The following ALPK1 variants were observed in gnomAD, a reference collection of about 807,000 sequenced individuals.
The protein encoded by ALPK1 is alpha-protein kinase 1.
Under a neutral mutation model 120.6 loss-of-function variants are expected in ALPK1, and 110 were observed. That is an observed-to-expected ratio of 0.91 (90% confidence interval 0.78 to 1.07). The LOEUF (loss-of-function observed/expected upper bound fraction) is 1.07. Ranked by LOEUF, ALPK1 falls within the 50% of genes least tolerant of loss-of-function variation. The pLI is 0.00. For synonymous variants in ALPK1, 582 were observed against 560.3 expected, an observed-to-expected ratio of 1.04 and a Z score of -0.55; for missense variants, 1,498 against 1,483.9, an observed-to-expected ratio of 1.01 and a Z score of -0.16.
rs1281575574 is a variant in ALPK1, at chr4:112,440,946, A to C, written c.3568A>C (p.Ile1190Leu). Residue 1190 changes from isoleucine to leucine, a missense_variant, in exon 15 of 16, where the codon ATC becomes CTC. By Grantham distance (5) the Ile-to-Leu change is conservative. Coordinates refer to ENST00000650871, the MANE Select transcript of ALPK1 (RefSeq NM_025144.4). ...GGTAACCGGTAATGGAAAAGGACTC[A>C]TCTACCTCACAGATCCCCAGATTCA... ...GWVTGNGKGLIYLTDPQIHSV... is the reference protein window; with the variant it reads ...GWVTGNGKGLLYLTDPQIHSV... 1.2e-6 allele frequency: 2 copies of C among 1,613,508 alleles called. No individual in the cohort carries two copies. The highest frequency in any genetic ancestry group is 1.7e-6 in the Non-Finnish European group (2 of 1,179,780).
intron 3 of ALPK1, among the ~76,000 whole-genome samples, chr4:112,379,532 C>T (rs1293836157): frequency 6.6e-6 from 1 of 152,270 alleles, no homozygotes; most frequent in African/African-American, 2.4e-5. Context: ...TGGAGTGCAG[C>T]CTGCACCGGA....
intron 2 of ALPK1, chr4:112,359,297 C>G (rs943162398): frequency 2.1e-6 from 1 of 466,542 alleles, no homozygotes; most frequent in Non-Finnish European, 4.0e-6. Flanking sequence ...CCTGCAGGGC[C>G]CTGGAGTCTA....
At chr4:112,385,078 T>G (rs1732093183) in intron 4 of ALPK1, among the ~76,000 whole-genome samples, 1 of 152,196 alleles carries the variant, frequency 6.6e-6, no homozygotes, top group South Asian at 2.1e-4. Context: ...GGCTGAGTGA[T>G]GTGGCACATC....
At chr4:112,409,915 A>C (rs905873617) in intron 4 of ALPK1, among the ~76,000 whole-genome samples, 6 of 152,220 alleles carry the variant, frequency 3.9e-5, no homozygotes, top group Non-Finnish European at 1.5e-5. Context: ...AAAGATAAAT[A>C]GAGTAAAAAA....
chr4:112,358,906 C>T lies in ALPK1; in HGVS notation c.-100-18772C>T, dbSNP rs1309809384. On this transcript the variant is annotated intron_variant, in intron 2 of 15. Coordinates refer to ENST00000650871, the MANE Select transcript of ALPK1 (RefSeq NM_025144.4). ...GCGACCTGTCTTGGCCTCCTCTTTG[C>T]TGAAAACCCCAAGAAGCACAGCCAG... 6.5e-6 allele frequency: 5 copies of T among 769,584 alleles called. No individual in the cohort carries two copies. The East Asian group carries it at 1.2e-4, about 19-fold the overall frequency. The allele number at this position is 769,584 out of a possible 1,614,324, so 47.7% of individuals were successfully genotyped here. A position where few individuals can be genotyped will look rare whatever the true frequency, so the allele number is the denominator to read the frequency against.
Position 112,372,036 on chromosome 4 carries a change from A to ATTC in ALPK1, c.-100-5642_-100-5641insTTC, listed in dbSNP as rs375544622. Among the ~76,000 whole-genome samples, 679 of 152,308 alleles carry ATTC rather than the reference A, an allele frequency of 4.5e-3. 7 individuals are homozygous for ATTC. Among genetic ancestry groups the ATTC allele is most frequent in the African/African-American group, 0.015 (630 of 41,552 alleles). ...AGAAGTCTTACAAATAGTTAATGAT[A>ATTC]GAGTATAAAGTGGAATTAATCAACA... On this transcript the variant is annotated intron_variant, in intron 2 of 15. Coordinates refer to ENST00000650871, the MANE Select transcript of ALPK1 (RefSeq NM_025144.4).
intron 2 of ALPK1, among the ~76,000 whole-genome samples, chr4:112,347,828 G>A (rs1305772732): frequency 1.3e-5 from 2 of 150,688 alleles, no homozygotes; most frequent in African/African-American, 4.9e-5. Flanking sequence ...ATTATTTTTT[G>A]CCAGTAATAG....
chr4:112,362,897 A>T (rs1730974939), intron 2 of ALPK1, among the ~76,000 whole-genome samples: 1 of 152,214 alleles, frequency 6.6e-6, no homozygotes, highest in Non-Finnish European at 1.5e-5. Flanking sequence ...CTCAGCAGAA[A>T]CCCTACATGC....
At chr4:112,357,709 A>C in intron 2 of ALPK1, 1 of 1,559,730 alleles carries the variant, frequency 6.4e-7, no homozygotes, top group Admixed American at 1.7e-5. Context: ...CGCGTTTGAC[A>C]GACGGTTTTC....
intron 4 of ALPK1, among the ~76,000 whole-genome samples, chr4:112,399,631 G>A (rs563321149): frequency 7.9e-5 from 12 of 152,216 alleles, no homozygotes; most frequent in African/African-American, 2.9e-4. Flanking sequence ...TACAGAACGT[G>A]CAGGTTTGTT....
Position 112,440,915 on chromosome 4 carries a change from AG to A in ALPK1, c.3539del. The A allele has an allele frequency of 3.1e-6, 5 of 1,607,044 alleles. No individual in the cohort carries two copies. The highest frequency in any genetic ancestry group is 4.2e-6 in the Non-Finnish European group (5 of 1,177,142). ...ACTCAGGTGTGTTCATTTCTCTTTT[AG>A]GTTGGGTAACCGGTAATGGAAAAGG... On this transcript the variant is annotated splice_acceptor_variant, in intron 14 of 15. Coordinates refer to ENST00000650871, the MANE Select transcript of ALPK1 (RefSeq NM_025144.4). LOFTEE classifies it high-confidence loss of function.
chr4:112,437,239 G>C (rs1734825623), intron 12 of ALPK1, among the ~76,000 whole-genome samples: 1 of 152,018 alleles, frequency 6.6e-6, no homozygotes, highest in African/African-American at 2.4e-5. Context: ...AGAGACAATG[G>C]AAGTCATATA....
Position 112,440,898 on chromosome 4 carries a change from G to A in ALPK1, c.3539-19G>A. 6.3e-7 allele frequency: 1 copy of A among 1,597,996 alleles called. No individual in the cohort carries two copies. On this transcript the variant is annotated intron_variant, in intron 14 of 15. Transcript: ENST00000650871. ...TTTACAGGGAATTTAATACTCAGGT[G>A]TGTTCATTTCTCTTTTAGGTTGGGT...
At chr4:112,390,704 A>G (rs1732375950) in intron 4 of ALPK1, among the ~76,000 whole-genome samples, 1 of 152,224 alleles carries the variant, frequency 6.6e-6, no homozygotes, top group Non-Finnish European at 1.5e-5. Context: ...AGGCTGCCCC[A>G]TGTGTGGCCC....
In ALPK1 at chr4:112,431,880, T is replaced by C; in HGVS notation, c.2333T>C (p.Phe778Ser). The change falls in exon 11 of 16, where the codon TTT becomes TCT. Residue 778 changes from phenylalanine to serine, a missense_variant. Transcript: ENST00000650871. ...AGTGAAAGAGGCGCAGGCCCTACAT[T>C]TAAAGCTAGTCCCTCCTGGGTTGAC... is the stretch of plus-strand genomic sequence containing the variant. ...EISERGAGPT[F>S]KASPSWVDPE... 1 of 1,613,892 alleles carries C rather than the reference T, an allele frequency of 6.2e-7. No individual in the cohort carries two copies. The highest frequency in any genetic ancestry group is 8.5e-7 in the Non-Finnish European group (1 of 1,179,996).
At position 112,311,776 on chromosome 4, in the gene ALPK1, G is replaced by A. The variant is rs190890457; in HGVS notation, c.-152-4025G>A. Among the ~76,000 whole-genome samples, 243 of 152,334 alleles carry A rather than the reference G, an allele frequency of 1.6e-3. 2 individuals are homozygous for A. The highest frequency in any genetic ancestry group is 5.5e-3 in the African/African-American group (229 of 41,570). ...TTTTCTAGGAAAGGGTTTTGATAAA[G>A]GTTAGCACTCACTGATGATGCTTGG... On this transcript the variant is annotated intron_variant, in intron 1 of 15. Coordinates refer to ENST00000650871, the MANE Select transcript of ALPK1 (RefSeq NM_025144.4).
chr4:112,378,989 C>T (rs1446461429), intron 3 of ALPK1, among the ~76,000 whole-genome samples: 3 of 152,208 alleles, frequency 2.0e-5, no homozygotes, highest in African/African-American at 4.8e-5. Flanking sequence ...CCTGAGATCA[C>T]TCTCACAGAT....
intron 4 of ALPK1, among the ~76,000 whole-genome samples, chr4:112,393,277 C>G (rs1333825067): frequency 6.6e-6 from 1 of 152,154 alleles, no homozygotes; most frequent in African/African-American, 2.4e-5. Context: ...CCATGGCCTG[C>G]TAGCTTCTCT....
At chr4:112,356,834 A>C in intron 2 of ALPK1, 1 of 729,138 alleles carries the variant, frequency 1.4e-6, no homozygotes, top group Non-Finnish European at 2.6e-6. Context: ...CAAGAGCCGC[A>C]GAGCACACAA....
Sources: allele counts gnomAD v4.1 joint callset (sites outside exome capture counted in the v4.1 genomes callset), GRCh38; gene constraint gnomAD v4.1.1; transcripts MANE v1.5; gene names NCBI Gene and HGNC (gene_info 2026-07-23, HGNC 2026-07-21).